Variants in BICRA observed in about 807,000 individuals in gnomAD.
BICRA encodes BRD4-interacting chromatin-remodeling complex-associated protein.
Under a neutral mutation model 96.9 loss-of-function variants are expected in BICRA, and 31 were observed. That is an observed-to-expected ratio of 0.32 (90% CI 0.24 to 0.43). The LOEUF (loss-of-function observed/expected upper bound fraction) is 0.43, where lower values mean the gene tolerates loss of function less well. Ranked by LOEUF, BICRA falls within the 20% of genes least tolerant of loss-of-function variation. The probability of loss-of-function intolerance (pLI) is 1.00; values close to 1 mark genes in which losing one functional copy is unlikely to be tolerated. For synonymous variants in BICRA, 1,350 were observed against 1,071.8 expected (o/e 1.26, Z -5.07); for missense variants, 2,283 against 2,190.3 (o/e 1.04, Z -0.84).
chr19:47,671,819 G>A (rs1358623422), intron 2 of BICRA, among the ~76,000 whole-genome samples: 3 of 148,396 alleles, frequency 2.0e-5, no homozygotes, highest in African/African-American at 7.5e-5. Context: ...TGGATGGAGG[G>A]ATGAATAGGT....
In BICRA at chr19:47,701,564, G is replaced by T. The variant is rs1016769413; in HGVS notation, c.3832G>T (p.Ala1278Ser). Residue 1278 changes from alanine to serine, a missense_variant, in exon 15 of 15, where the codon GCC (alanine) becomes TCC (serine). Ala to Ser is a moderately conservative substitution (Grantham distance 99). Transcript: ENST00000594866. The surrounding 1 kb of genome is among the most constrained non-coding windows in gnomAD (Gnocchi z 5.4). The stretch of plus-strand genomic sequence containing the variant: ...CTCCTCTTCCTCCTCCTCCTCTGCC[G>T]CCTCCTCCTTGGACGCCGACGAGGA... Reference protein sequence around the residue: ...LSSSSSSSSAASSLDADEDGP... With the variant: ...LSSSSSSSSASSSLDADEDGP... 4 of 1,551,692 alleles carry T rather than the reference G, an allele frequency of 2.6e-6. No homozygotes were observed. Among genetic ancestry groups the T allele is most frequent in the Non-Finnish European group, 3.5e-6 (4 of 1,148,438 alleles).
At chr19:47,615,676 G>A (rs1487449594) in intron 1 of BICRA, 2 of 152,114 alleles carry the variant, frequency 1.3e-5, no homozygotes, top group Admixed American at 6.6e-5. Flanking sequence ...AGTCAGTGTC[G>A]GTGTCACCTG....
rs190444709 is a variant in BICRA at position 47,621,265 on chromosome 19, G to A, written c.-108+12097G>A. ...TGTGAAAAATGCGCATCTTGGAGTT[G>A]ATAAAACTCAGGAAAAGTCCTGTCC... On this transcript the variant is annotated intron_variant, in intron 1 of 14. Coordinates refer to ENST00000594866, the MANE Select transcript of BICRA (RefSeq NM_001394372.1). Among the ~76,000 whole-genome samples, 38 of 152,190 alleles carry A rather than the reference G, an allele frequency of 2.5e-4. No individual in the cohort carries two copies. In the East Asian group the frequency reaches 2.9e-3, roughly 12 times the overall value.
rs757291000 is a variant in BICRA, at chr19:47,701,752, C to G, written c.4020C>G (p.Leu1340=). ...VHQPPPPPAT[L]KVAEPPPRPP... is the part of the protein sequence containing the mutation. ...AGCCCCCGCCACCCCCCGCTACCCT[C>G]AAGGTGGCCGAGCCCCCGCCACGGC... Residue 1340 remains leucine, a synonymous_variant, in exon 15 of 15, where the codon CTC becomes CTG. Coordinates refer to ENST00000594866, the MANE Select transcript of BICRA (RefSeq NM_001394372.1). This position sits in a 1 kb window ranked among gnomAD's most constrained non-coding sequence, Gnocchi z 5.4. The G allele has an allele frequency of 1.9e-5, 30 of 1,546,134 alleles. No homozygotes were observed. In the African/African-American group the frequency reaches 3.3e-4, roughly 17 times the overall value.
At position 47,618,852 on chromosome 19, in the gene BICRA, C is replaced by G. The variant is rs1422705533; in HGVS notation, c.-108+9684C>G. 2.0e-5 allele frequency among the ~76,000 whole-genome samples: 3 copies of G among 152,216 alleles called. No individual in the cohort carries two copies. The East Asian group carries it at 5.8e-4, about 29-fold the overall frequency. ...GAGGATGGCCCAGTGTCCAGGGACACCTGCAGGTGAAGCTCCCCGGAGCCA... is the reference window on the plus strand; with the variant it reads ...GAGGATGGCCCAGTGTCCAGGGACAGCTGCAGGTGAAGCTCCCCGGAGCCA... On this transcript the variant is annotated intron_variant, in intron 1 of 14. Coordinates refer to ENST00000594866, the MANE Select transcript of BICRA (RefSeq NM_001394372.1).
chr19:47,608,763 C>T (rs1488989330), upstream of BICRA, among the ~76,000 whole-genome samples: 1 of 151,256 alleles, frequency 6.6e-6, no homozygotes, highest in East Asian at 2.0e-4. Context: ...CTCGGCCTGG[C>T]GGGGCCGGGG....
At chr19:47,674,079 C>A (rs1416380037) in intron 4 of BICRA, among the ~76,000 whole-genome samples, 1 of 152,166 alleles carries the variant, frequency 6.6e-6, no homozygotes, top group Non-Finnish European at 1.5e-5. Flanking sequence ...GTCCCAGGGG[C>A]TCCTTTAGAT....
Position 47,699,031 on chromosome 19 carries a change from A to G in BICRA, c.3464A>G (p.Tyr1155Cys), listed in dbSNP as rs1229760353. Reference protein sequence around the residue: ...LKRTQAMLNKYRLLLLEESRR... With the variant: ...LKRTQAMLNKCRLLLLEESRR... ...CGCACCCAGGCCATGCTCAATAAATATCGGCTCCTGCTCCTGGAGGAGTCC... is the reference window on the plus strand; with the variant it reads ...CGCACCCAGGCCATGCTCAATAAATGTCGGCTCCTGCTCCTGGAGGAGTCC... The change falls in exon 13 of 15, where the codon TAT becomes TGT. Residue 1155 changes from tyrosine (Y) to cysteine (C), a missense_variant. Physicochemically the swap from Tyr to Cys is radical, Grantham distance 194 (BLOSUM62 -2). Coordinates refer to ENST00000594866, the MANE Select transcript of BICRA (RefSeq NM_001394372.1). The surrounding 1 kb of genome is among the most constrained non-coding windows in gnomAD (Gnocchi z 5.0). 6.3e-7 allele frequency: 1 copy of G among 1,581,020 alleles called. No individual in the cohort carries two copies. Among genetic ancestry groups the G allele is most frequent in the African/African-American group, 1.4e-5 (1 of 73,924 alleles).
At position 47,682,289 on chromosome 19, in the gene BICRA, C is replaced by A. The variant is rs139203849; in HGVS notation, c.2283+137C>A. ...GGAACACAGAGCTCTCCTTCACCCC[C>A]CAAGTGTCTCCTAGTGATCATGGAT... is the stretch of plus-strand genomic sequence containing the variant. On this transcript the variant is annotated intron_variant, in intron 7 of 14. Transcript: ENST00000594866. The A allele has an allele frequency of 2.7e-3, 1,486 of 556,860 alleles. 11 individuals carry two copies. Among genetic ancestry groups the A allele is most frequent in the African/African-American group, 0.026 (1,319 of 51,582 alleles). 34.5% of individuals were successfully genotyped at this position (556,860 alleles called of 1,614,324 possible). A position where few individuals can be genotyped will look rare whatever the true frequency, so the allele number is the denominator to read the frequency against.
At position 47,702,563 on chromosome 19, in the gene BICRA, C is replaced by T. The variant is rs1599877002; in HGVS notation, c.*148C>T. On this transcript the variant is annotated 3_prime_UTR_variant, in exon 15 of 15. Coordinates refer to ENST00000594866, the MANE Select transcript of BICRA (RefSeq NM_001394372.1). ...ATTTGAGTCACAAAGGCCTCCTTCCCTGCCGCCTGCTTCAGCTGGGTTGCT... is the reference window on the plus strand; with the variant it reads ...ATTTGAGTCACAAAGGCCTCCTTCCTTGCCGCCTGCTTCAGCTGGGTTGCT... 2.2e-6 allele frequency: 2 copies of T among 911,646 alleles called. No homozygotes were observed. Among genetic ancestry groups the T allele is most frequent in the South Asian group, 4.2e-5 (2 of 47,640 alleles). 56.5% of individuals were successfully genotyped at this position (911,646 alleles called of 1,614,324 possible). A position where few individuals can be genotyped will look rare whatever the true frequency, so the allele number is the denominator to read the frequency against.
In BICRA at chr19:47,702,729, G is replaced by A. The variant is rs1053640768; in HGVS notation, c.*314G>A. ...CCCTCTGTCCGGGGGACACGCGCAT[G>A]TGTTTGCCAGGGATGGGGCCACCGG... On this transcript the variant is annotated 3_prime_UTR_variant, in exon 15 of 15. Coordinates refer to ENST00000594866, the MANE Select transcript of BICRA (RefSeq NM_001394372.1). 7.6e-6 allele frequency: 3 copies of A among 393,508 alleles called. No individual in the cohort carries two copies. Among genetic ancestry groups the A allele is most frequent in the East Asian group, 1.1e-4 (2 of 18,684 alleles). 24.4% of individuals were successfully genotyped at this position (393,508 alleles called of 1,614,324 possible).
intron 6 of BICRA, 98 bp from the exon 7 acceptor site, chr19:47,681,877 TG>T: frequency 1.2e-6 from 1 of 855,760 alleles, no homozygotes; most frequent in Non-Finnish European, 1.8e-6. Context: ...CCCCATTCTC[TG>T]GAACCCTGGG....
intron 7 of BICRA, among the ~76,000 whole-genome samples, chr19:47,685,786 T>TGCGTGCGC (rs1555790131): frequency 8.5e-6 from 1 of 117,970 alleles, no homozygotes; most frequent in South Asian, 3.0e-4. Flanking sequence ...TGTGTGTGTG[T>TGCGTGCGC]GCGCGCGCGC....
At chr19:47,650,303 T>C (rs895847786) in intron 1 of BICRA, among the ~76,000 whole-genome samples, 1 of 152,138 alleles carries the variant, frequency 6.6e-6, no homozygotes, top group Non-Finnish European at 1.5e-5. Context: ...GGCTAATTTT[T>C]TGTATTTTTC....
rs1973442917 is a variant in BICRA at position 47,701,455 on chromosome 19, C to G, written c.3723C>G (p.His1241Gln). ...APGASTQPPP[H>Q]LPTKLVIRHG... ...GGGCCTCCACCCAGCCCCCTCCACACCTGCCCACCAAGCTTGTGATCCGGC... is the reference window on the plus strand; with the variant it reads ...GGGCCTCCACCCAGCCCCCTCCACAGCTGCCCACCAAGCTTGTGATCCGGC... Residue 1241 changes from histidine (H) to glutamine (Q), a missense_variant, in exon 15 of 15, where the codon CAC becomes CAG. His to Gln is a conservative substitution (Grantham distance 24). Transcript: ENST00000594866. This position sits in a 1 kb window ranked among gnomAD's most constrained non-coding sequence, Gnocchi z 5.4. 2 of 1,567,170 alleles carry G rather than the reference C, an allele frequency of 1.3e-6. No individual in the cohort carries two copies. The highest frequency in any genetic ancestry group is 8.6e-7 in the Non-Finnish European group (1 of 1,157,262).
rs1437174472 is a variant in BICRA at position 47,627,001 on chromosome 19, C to T, written c.-108+17833C>T. On this transcript the variant is annotated intron_variant, in intron 1 of 14. Transcript: ENST00000594866. ...CCTCCCAGAGTGCTGGGATTACAGG[C>T]GTGAGCCACCGCGCTTGGTCCACCC... 3.3e-5 allele frequency among the ~76,000 whole-genome samples: 5 copies of T among 152,068 alleles called. No homozygotes were observed. The South Asian group carries it at 8.3e-4, about 25-fold the overall frequency.
intron 5 of BICRA, among the ~76,000 whole-genome samples, chr19:47,678,287 C>T (rs148940718): frequency 1.2e-4 from 18 of 151,954 alleles, no homozygotes; most frequent in Admixed American, 2.0e-4. Context: ...GGCTAATTTT[C>T]GTATTTTTAG....
In BICRA at chr19:47,694,463, CACCT is replaced by C; in HGVS notation, c.2633_2636del (p.His878ProfsTer68). The stretch of plus-strand genomic sequence containing the variant: ...TGAGGGACCGCTGCCCCCAGCCCCC[CACCT>C]CCCTCCATCCTCCACCTCCTCTGCT... On this transcript the variant is annotated frameshift_variant, in exon 8 of 15. Transcript: ENST00000594866. LOFTEE classifies it high-confidence loss of function. 7.1e-6 allele frequency: 8 copies of C among 1,124,914 alleles called. No homozygotes were observed. The highest frequency in any genetic ancestry group is 1.3e-5 in the South Asian group (1 of 78,732). 69.7% of individuals were successfully genotyped at this position (1,124,914 alleles called of 1,614,324 possible).
rs77764656 is a variant in BICRA at position 47,681,537 on chromosome 19, G to A, written c.2106+261G>A. On this transcript the variant is annotated intron_variant, in intron 6 of 14. Coordinates refer to ENST00000594866, the MANE Select transcript of BICRA (RefSeq NM_001394372.1). ...AACTGTTAGGCAGTGAGAGGGACTG[G>A]CAGACAGACAGACAAAGAGAGGGAC... Among the ~76,000 whole-genome samples the A allele has an allele frequency of 9.3e-4, 142 of 152,266 alleles. 3 individuals are homozygous for A. The East Asian group carries it at 0.024, about 26-fold the overall frequency.
Sources: allele counts gnomAD v4.1 joint callset (sites outside exome capture counted in the v4.1 genomes callset), GRCh38; gene constraint gnomAD v4.1.1; non-coding constraint Gnocchi (gnomAD v3.1); transcripts MANE v1.5; gene names NCBI Gene and HGNC (gene_info 2026-07-23, HGNC 2026-07-21).